Variants in SEMA3E observed in about 807,000 individuals in gnomAD.
SEMA3E encodes semaphorin-3E.
In SEMA3E, 49 loss-of-function variants were observed where a neutral mutation model predicts 93.6. The ratio of observed to expected loss-of-function variants is 0.52; its 90% CI spans 0.42 to 0.66. The LOEUF is 0.66. Among genes scored for constraint, SEMA3E ranks in the 30% least tolerant of loss-of-function variants. The probability of loss-of-function intolerance (pLI) is 0.00; values close to 1 mark genes in which losing one functional copy is unlikely to be tolerated. For missense variants in SEMA3E, 906 were observed against 964.8 expected (o/e 0.94, Z 0.81); for synonymous variants, 363 against 330.7 (o/e 1.10, Z -1.06).
intron 4 of SEMA3E, among the ~76,000 whole-genome samples, chr7:83,462,989 C>A (rs1259479820): frequency 1.7e-5 from 2 of 115,544 alleles, no homozygotes; most frequent in Non-Finnish European, 3.9e-5. Context: ...CCCTGACACC[C>A]ATCAAGCTTA....
intron 1 of SEMA3E, among the ~76,000 whole-genome samples, chr7:83,633,451 A>G (rs970949092): frequency 6.6e-5 from 10 of 152,228 alleles, no homozygotes; most frequent in Admixed American, 3.3e-4. Flanking sequence ...AACATTGGAA[A>G]AAAATTAGCA....
At chr7:83,506,133 G>C (rs1221135886) in intron 1 of SEMA3E, among the ~76,000 whole-genome samples, 1 of 149,778 alleles carries the variant, frequency 6.7e-6, no homozygotes, top group East Asian at 2.0e-4. Flanking sequence ...TATTCTTATT[G>C]ATCTGTTTTC....
chr7:83,382,808 G>A (rs546791824), intron 16 of SEMA3E, among the ~76,000 whole-genome samples: 1 of 151,810 alleles, frequency 6.6e-6, no homozygotes, highest in South Asian at 2.1e-4. Context: ...TAAGAAAGCA[G>A]GAGTCTATAA....
chr7:83,584,736 G>A (rs997794073), intron 1 of SEMA3E, among the ~76,000 whole-genome samples: 1 of 152,076 alleles, frequency 6.6e-6, no homozygotes, highest in African/African-American at 2.4e-5. Context: ...TAGTGTAAGT[G>A]TAATCTTTAG....
intron 1 of SEMA3E, among the ~76,000 whole-genome samples, chr7:83,597,490 C>A (rs1460040248): frequency 6.6e-6 from 1 of 152,146 alleles, no homozygotes; most frequent in East Asian, 1.9e-4. Flanking sequence ...TCTTTATATT[C>A]ATCCATTTTA....
rs142751346 is a variant in SEMA3E at position 83,574,157 on chromosome 7, C to A, written c.115+74271G>T. Among the ~76,000 whole-genome samples, 4 of 152,150 alleles carry A rather than the reference C, an allele frequency of 2.6e-5. No individual in the cohort carries two copies. The East Asian group carries it at 7.7e-4, about 29-fold the overall frequency. On this transcript the variant is annotated intron_variant, in intron 1 of 16. Transcript: ENST00000643230. ...TCCTGAAGGATTTGCATTAAAAAATCTTAATGCAGAATTTTCATCACTCAG... is the reference window on the plus strand; with the variant it reads ...TCCTGAAGGATTTGCATTAAAAAATATTAATGCAGAATTTTCATCACTCAG...
rs192727611 is a variant in SEMA3E at position 83,638,907 on chromosome 7, C to T, written c.115+9521G>A. Among the ~76,000 whole-genome samples the T allele has an allele frequency of 4.8e-3, 724 of 151,350 alleles. 6 individuals are homozygous for T. Among genetic ancestry groups the T allele is most frequent in the African/African-American group, 0.015 (618 of 41,140 alleles). ...CGGGCGGATCACGAGGTCAGGAGATCGAGACCATCCCGGCTAAAATGGTGA... is the reference window on the plus strand; with the variant it reads ...CGGGCGGATCACGAGGTCAGGAGATTGAGACCATCCCGGCTAAAATGGTGA... On this transcript the variant is annotated intron_variant, in intron 1 of 16. Transcript: ENST00000643230.
chr7:83,588,251 G>A (rs1023068351), intron 1 of SEMA3E, among the ~76,000 whole-genome samples: 9 of 151,904 alleles, frequency 5.9e-5, no homozygotes, highest in Non-Finnish European at 1.0e-4. Flanking sequence ...GCATGGTGGC[G>A]GGCACCTGTA....
At chr7:83,591,086 C>T (rs1339674642) in intron 1 of SEMA3E, among the ~76,000 whole-genome samples, 8 of 127,376 alleles carry the variant, frequency 6.3e-5, no homozygotes, top group African/African-American at 9.2e-5. Flanking sequence ...ACATTATAAA[C>T]TTTATCTTAG....
At chr7:83,563,118 G>A (rs1349717710) in intron 1 of SEMA3E, among the ~76,000 whole-genome samples, 1 of 152,114 alleles carries the variant, frequency 6.6e-6, no homozygotes, top group African/African-American at 2.4e-5. Flanking sequence ...CTGAGACTCA[G>A]GATCTGATCA....
intron 1 of SEMA3E, among the ~76,000 whole-genome samples, chr7:83,594,252 A>T (rs1043888172): frequency 2.0e-5 from 3 of 152,154 alleles, no homozygotes; most frequent in African/African-American, 7.2e-5. Context: ...CTTACGTGAG[A>T]ACAATTTAAA....
intron 1 of SEMA3E, among the ~76,000 whole-genome samples, chr7:83,582,436 A>C (rs1302621041): frequency 6.6e-6 from 1 of 151,940 alleles, no homozygotes; most frequent in East Asian, 1.9e-4. Context: ...TCTGTTTTAG[A>C]CTCCTCAAGA....
At chr7:83,599,547 T>A (rs189979801) in intron 1 of SEMA3E, among the ~76,000 whole-genome samples, 1 of 152,232 alleles carries the variant, frequency 6.6e-6, no homozygotes, top group African/African-American at 2.4e-5. Context: ...TTTATTTTTG[T>A]TAACATAAGT....
chr7:83,522,504 G>A (rs1791070346), intron 1 of SEMA3E, among the ~76,000 whole-genome samples: 1 of 151,934 alleles, frequency 6.6e-6, no homozygotes, highest in South Asian at 2.1e-4. Flanking sequence ...CTACCCTCTA[G>A]GGGATTTTGC....
At chr7:83,520,689 AT>A (rs1214126982) in intron 1 of SEMA3E, among the ~76,000 whole-genome samples, 1 of 152,198 alleles carries the variant, frequency 6.6e-6, no homozygotes, top group Admixed American at 6.6e-5. Context: ...CAAGTTTAGC[AT>A]TTCCAATATG....
At chr7:83,466,734 G>C in intron 3 of SEMA3E, 133 bp from the exon 4 acceptor site, 1 of 1,082,598 alleles carries the variant, frequency 9.2e-7, no homozygotes, top group Admixed American at 2.0e-5. Context: ...GAGGCAAGAG[G>C]GGTAGAAGAA....
intron 1 of SEMA3E, among the ~76,000 whole-genome samples, chr7:83,604,930 C>T (rs1035975268): frequency 4.6e-5 from 7 of 152,122 alleles, no homozygotes; most frequent in African/African-American, 1.7e-4. Context: ...TGATGGCTTT[C>T]AGTTTCATCC....
intron 1 of SEMA3E, among the ~76,000 whole-genome samples, chr7:83,520,126 C>G (rs1453347124): frequency 6.6e-6 from 1 of 152,144 alleles, no homozygotes; most frequent in Non-Finnish European, 1.5e-5. Flanking sequence ...TTTTTGATAT[C>G]TCTGTTCTCT....
chr7:83,385,978 G>T (rs755773349), intron 15 of SEMA3E, among the ~76,000 whole-genome samples: 4 of 152,128 alleles, frequency 2.6e-5, no homozygotes, highest in Admixed American at 6.6e-5. Flanking sequence ...GGACCAGAAA[G>T]GCTCTTACTG....
Sources: allele counts gnomAD v4.1 joint callset (sites outside exome capture counted in the v4.1 genomes callset), GRCh38; gene constraint gnomAD v4.1.1; transcripts MANE v1.5; gene names NCBI Gene and HGNC (gene_info 2026-07-23, HGNC 2026-07-21).